The following KIAA1217 variants were observed in gnomAD, a reference collection of about 807,000 sequenced individuals.
KIAA1217 encodes KIAA1217.
KIAA1217 carries 88 observed loss-of-function variants against 163.9 expected under a neutral mutation model. That is an observed-to-expected ratio of 0.54 (90% CI 0.45 to 0.64). KIAA1217 has a LOEUF of 0.64. KIAA1217 is among the 30% of genes least tolerant of loss of function. The pLI is 0.00. For missense variants in KIAA1217, 2,372 were observed against 2,475.0 expected (o/e 0.96, Z 0.88); for synonymous variants, 903 against 923.1 (o/e 0.98, Z 0.39).
intron 2 of KIAA1217, among the ~76,000 whole-genome samples, chr10:24,369,219 T>TGTGTGTG (rs2051227773): frequency 4.6e-5 from 3 of 65,344 alleles, no homozygotes; most frequent in African/African-American, 3.2e-4. Flanking sequence ...GTGTGTGTGT[T>TGTGTGTG]TTCATTTGAA....
In KIAA1217 at chr10:24,513,249, G is replaced by A. The variant is rs1358033666; in HGVS notation, c.2002-10G>A. 6.2e-7 allele frequency: 1 copy of A among 1,610,774 alleles called. No individual in the cohort carries two copies. The highest frequency in any genetic ancestry group is 1.3e-5 in the African/African-American group (1 of 74,716). ...AGAGCCCACTGAGGTTGATTTTTTT[G>A]TGTTCACAGCTGCAGAACCAGGAGT... On this transcript the variant is annotated splice_polypyrimidine_tract_variant and intron_variant, in intron 9 of 20. Coordinates refer to ENST00000376454, the MANE Select transcript of KIAA1217 (RefSeq NM_019590.5).
At chr10:24,224,888 G>A (rs920615204) in intron 2 of KIAA1217, among the ~76,000 whole-genome samples, 20 of 146,276 alleles carry the variant, frequency 1.4e-4, no homozygotes, top group African/African-American at 3.1e-4. Flanking sequence ...GTGCAGTGGC[G>A]CAGTCTCGGC....
At chr10:23,780,617 A>G (rs1008418576) in intron 1 of KIAA1217, among the ~76,000 whole-genome samples, 42 of 152,204 alleles carry the variant, frequency 2.8e-4, no homozygotes, top group Non-Finnish European at 1.9e-4. Context: ...TAAAGTTGCA[A>G]ATAGCAAGAT....
chr10:23,742,291 C>T (rs1839164753), intron 1 of KIAA1217, among the ~76,000 whole-genome samples: 1 of 152,102 alleles, frequency 6.6e-6, no homozygotes, highest in African/African-American at 2.4e-5. Context: ...TGCCACTGAG[C>T]AGGACGCTAG....
At chr10:23,955,915 A>G (rs1468177997) in intron 1 of KIAA1217, among the ~76,000 whole-genome samples, 1 of 152,202 alleles carries the variant, frequency 6.6e-6, no homozygotes, top group Non-Finnish European at 1.5e-5. Flanking sequence ...AGAAACAATC[A>G]GAGGCCTGCA....
At chr10:23,937,246 A>G (rs1843570552) in intron 1 of KIAA1217, among the ~76,000 whole-genome samples, 1 of 152,148 alleles carries the variant, frequency 6.6e-6, no homozygotes, top group Non-Finnish European at 1.5e-5. Flanking sequence ...GGAGCTTTTT[A>G]GGAGTGAGGG....
In KIAA1217 at chr10:24,340,758, G is replaced by A. The variant is rs180680673; in HGVS notation, c.355-40111G>A. ...TGCCACAGAAAGAACCGTCTAGACAGCTACCTCATGTAATTGACTGCCCCA... is the reference window on the plus strand; with the variant it reads ...TGCCACAGAAAGAACCGTCTAGACAACTACCTCATGTAATTGACTGCCCCA... On this transcript the variant is annotated intron_variant, in intron 2 of 20. Coordinates refer to ENST00000376454, the MANE Select transcript of KIAA1217 (RefSeq NM_019590.5). 8.5e-5 allele frequency among the ~76,000 whole-genome samples: 13 copies of A among 152,318 alleles called. No homozygotes were observed. In the East Asian group the frequency reaches 2.5e-3, roughly 29 times the overall value.
rs146773509 is a variant in KIAA1217, at chr10:24,494,488, C to T, written c.1680-12C>T. ...CCATAAAGCTTTAACAAACAATTCT[C>T]TTGTTTTACAGAGAGAGGATGCAAG... On this transcript the variant is annotated splice_polypyrimidine_tract_variant and intron_variant, in intron 6 of 20. Coordinates refer to ENST00000376454, the MANE Select transcript of KIAA1217 (RefSeq NM_019590.5). 4 of 1,601,562 alleles carry T rather than the reference C, an allele frequency of 2.5e-6. No homozygotes were observed. Among genetic ancestry groups the T allele is most frequent in the Non-Finnish European group, 3.4e-6 (4 of 1,169,578 alleles).
At chr10:24,333,641 A>G (rs1368503840) in intron 2 of KIAA1217, among the ~76,000 whole-genome samples, 1 of 152,168 alleles carries the variant, frequency 6.6e-6, no homozygotes, top group Non-Finnish European at 1.5e-5. Flanking sequence ...TTGTAGGTAT[A>G]AAGCTAAAAA....
At chr10:23,815,411 G>A (rs567342813) in intron 1 of KIAA1217, among the ~76,000 whole-genome samples, 59 of 152,164 alleles carry the variant, frequency 3.9e-4, no homozygotes, top group Non-Finnish European at 7.2e-4. Context: ...TTGGGAGGCC[G>A]AGGTGGGCGG....
chr10:23,860,280 G>A (rs1342565638), intron 1 of KIAA1217, among the ~76,000 whole-genome samples: 1 of 151,690 alleles, frequency 6.6e-6, no homozygotes, highest in Admixed American at 6.6e-5. Context: ...TGACCTTAAT[G>A]GCAAAATCTT....
At chr10:23,744,727 G>C (rs186585145) in intron 1 of KIAA1217, among the ~76,000 whole-genome samples, 1 of 152,336 alleles carries the variant, frequency 6.6e-6, no homozygotes, top group East Asian at 1.9e-4. Flanking sequence ...GGATGTACTT[G>C]TATGTCAAAA....
intron 3 of KIAA1217, among the ~76,000 whole-genome samples, chr10:24,411,766 CTT>C (rs925233784): frequency 6.7e-6 from 1 of 149,696 alleles, no homozygotes. Context: ...TCCAACATGA[CTT>C]TTTTTTTTCA....
chr10:24,142,208 A>T (rs1031026190), intron 2 of KIAA1217, among the ~76,000 whole-genome samples: 4 of 152,202 alleles, frequency 2.6e-5, no homozygotes, highest in Non-Finnish European at 5.9e-5. Flanking sequence ...CAATTGAAAA[A>T]AAGTGGATTC....
intron 9 of KIAA1217, among the ~76,000 whole-genome samples, 181 bp downstream of exon 9, chr10:24,501,726 C>CTTTTTTTT (rs1554909743): frequency 1.8e-5 from 2 of 111,528 alleles, no homozygotes; most frequent in Non-Finnish European, 3.8e-5. Flanking sequence ...TCTATAACCA[C>CTTTTTTTT]TTCTTTTTTT....
chr10:24,040,945 C>G (rs1016204957), intron 2 of KIAA1217, among the ~76,000 whole-genome samples: 1 of 152,182 alleles, frequency 6.6e-6, no homozygotes, highest in South Asian at 2.1e-4. Flanking sequence ...ACTTTAATAA[C>G]GAAAAGCCAG....
intron 1 of KIAA1217, among the ~76,000 whole-genome samples, chr10:23,727,243 G>A (rs1293245652): frequency 5.3e-5 from 8 of 151,526 alleles, no homozygotes; most frequent in South Asian, 2.1e-4. Flanking sequence ...CACCCCTCTC[G>A]GCCTCCCAGG....
chr10:24,281,557 G>A (rs77984627), intron 2 of KIAA1217, among the ~76,000 whole-genome samples: 9,057 of 152,194 alleles, frequency 0.06, 340 homozygotes, highest in African/African-American at 0.1. Context: ...CTGTTCCTTA[G>A]GCTCTTGGCT....
At chr10:23,896,466 G>A (rs1290181370) in intron 1 of KIAA1217, among the ~76,000 whole-genome samples, 1 of 152,034 alleles carries the variant, frequency 6.6e-6, no homozygotes, top group African/African-American at 2.4e-5. Flanking sequence ...AGCTTCAGGT[G>A]ACTGATAGAG....
Sources: allele counts gnomAD v4.1 joint callset (sites outside exome capture counted in the v4.1 genomes callset), GRCh38; gene constraint gnomAD v4.1.1; transcripts MANE v1.5; gene names NCBI Gene and HGNC (gene_info 2026-07-23, HGNC 2026-07-21).